Variants in PDSS2 observed in about 807,000 individuals in gnomAD.
PDSS2 encodes the protein all trans-polyprenyl-diphosphate synthase PDSS2.
In PDSS2, 31 loss-of-function variants were observed where a neutral mutation model predicts 44.5. The ratio of observed to expected loss-of-function variants is 0.70; its 90% CI spans 0.52 to 0.94. PDSS2 has a LOEUF of 0.94. Ranked by LOEUF, PDSS2 falls within the 40% of genes least tolerant of loss-of-function variation. The pLI, the probability that PDSS2 is intolerant of heterozygous loss-of-function variation, is 0.00. For missense variants in PDSS2, 452 were observed against 482.2 expected, an observed-to-expected ratio of 0.94 and a Z score of 0.59; for synonymous variants, 157 against 180.3, an observed-to-expected ratio of 0.87 and a Z score of 1.03.
intron 1 of PDSS2, among the ~76,000 whole-genome samples, chr6:107,413,472 G>A (rs1169329002): frequency 6.6e-6 from 1 of 152,170 alleles, no homozygotes; most frequent in Non-Finnish European, 1.5e-5. Flanking sequence ...GGAGATCAGG[G>A]CTGCAGTGAG....
chr6:107,363,891 C>T (rs1208550154), intron 1 of PDSS2, among the ~76,000 whole-genome samples: 6 of 152,154 alleles, frequency 3.9e-5, no homozygotes, highest in African/African-American at 4.8e-5. Flanking sequence ...CAGCTAGATA[C>T]ACAGTGTCGA....
At chr6:107,172,341 TAGG>T (rs1469520053) in intron 7 of PDSS2, among the ~76,000 whole-genome samples, 2 of 152,196 alleles carry the variant, frequency 1.3e-5, no homozygotes, top group Non-Finnish European at 2.9e-5. Flanking sequence ...TGAGTAGTCT[TAGG>T]AGAAGTGGAG....
intron 1 of PDSS2, among the ~76,000 whole-genome samples, chr6:107,338,777 G>C (rs899858371): frequency 6.6e-6 from 1 of 152,192 alleles, no homozygotes; most frequent in African/African-American, 2.4e-5. Context: ...CAGTGTGGCA[G>C]GAACACAGTA....
chr6:107,393,651 T>C (rs1211427576), intron 1 of PDSS2, among the ~76,000 whole-genome samples: 1 of 152,224 alleles, frequency 6.6e-6, no homozygotes, highest in African/African-American at 2.4e-5. Context: ...TTGTCAGTTT[T>C]TGCTCCATGT....
At chr6:107,305,769 C>A (rs1021526092) in intron 2 of PDSS2, among the ~76,000 whole-genome samples, 2 of 152,116 alleles carry the variant, frequency 1.3e-5, no homozygotes, top group East Asian at 1.9e-4. Context: ...TTTATTTATT[C>A]ATTCAAGAAA....
intron 6 of PDSS2, among the ~76,000 whole-genome samples, chr6:107,196,487 C>T (rs969741344): frequency 6.6e-6 from 1 of 152,208 alleles, no homozygotes; most frequent in Non-Finnish European, 1.5e-5. Flanking sequence ...TGAGGCTGAT[C>T]CTGTGGTCAC....
chr6:107,202,195 C>T (rs1200580398), intron 6 of PDSS2, among the ~76,000 whole-genome samples: 1 of 152,088 alleles, frequency 6.6e-6, no homozygotes, highest in East Asian at 1.9e-4. Context: ...CACACCACCA[C>T]ACCTGGCTAC....
At chr6:107,447,297 C>A (rs1325431175) in intron 1 of PDSS2, among the ~76,000 whole-genome samples, 1 of 152,096 alleles carries the variant, frequency 6.6e-6, no homozygotes, top group East Asian at 1.9e-4. Flanking sequence ...GATGGCACCA[C>A]TGCACTCCAG....
chr6:107,432,056 T>C (rs1781209066), intron 1 of PDSS2, among the ~76,000 whole-genome samples: 1 of 152,250 alleles, frequency 6.6e-6, no homozygotes, highest in Admixed American at 6.5e-5. Context: ...TAAGTTAAAC[T>C]AAAATTAGTT....
intron 3 of PDSS2, among the ~76,000 whole-genome samples, chr6:107,271,205 C>T (rs1324486225): frequency 6.6e-6 from 1 of 152,116 alleles, no homozygotes; most frequent in Non-Finnish European, 1.5e-5. Context: ...TAAATGTCAA[C>T]AAACATTTTG....
chr6:107,368,543 G>A (rs967196356), intron 1 of PDSS2, among the ~76,000 whole-genome samples: 4 of 152,074 alleles, frequency 2.6e-5, no homozygotes, highest in Non-Finnish European at 5.9e-5. Flanking sequence ...CAAAATCCCA[G>A]AAGACTTTTA....
intron 3 of PDSS2, among the ~76,000 whole-genome samples, chr6:107,248,612 A>G (rs1562406428): frequency 6.6e-6 from 1 of 152,024 alleles, no homozygotes; most frequent in East Asian, 1.9e-4. Context: ...GATTTGGGCA[A>G]ATCAATTTTT....
At chr6:107,367,970 A>T (rs898057726) in intron 1 of PDSS2, among the ~76,000 whole-genome samples, 9 of 152,014 alleles carry the variant, frequency 5.9e-5, no homozygotes, top group Admixed American at 3.3e-4. Context: ...TTGATATATT[A>T]AAAAACTATT....
intron 1 of PDSS2, among the ~76,000 whole-genome samples, chr6:107,456,704 A>G (rs987745233): frequency 6.6e-6 from 1 of 152,084 alleles, no homozygotes; most frequent in Admixed American, 6.6e-5. Context: ...CCCACGCCCA[A>G]CTAATTTATT....
At chr6:107,263,824 A>T (rs1775324939) in intron 3 of PDSS2, among the ~76,000 whole-genome samples, 1 of 152,222 alleles carries the variant, frequency 6.6e-6, no homozygotes, top group Non-Finnish European at 1.5e-5. Context: ...TGGGATTCTG[A>T]AATAATTTTA....
chr6:107,160,572 A>C (rs1771090075), intron 7 of PDSS2, among the ~76,000 whole-genome samples: 1 of 151,940 alleles, frequency 6.6e-6, no homozygotes, highest in Non-Finnish European at 1.5e-5. Context: ...AGATGGTTTT[A>C]AACTCCTGGC....
At chr6:107,309,544 C>T (rs1023388336) in intron 2 of PDSS2, among the ~76,000 whole-genome samples, 1 of 152,192 alleles carries the variant, frequency 6.6e-6, no homozygotes, top group Non-Finnish European at 1.5e-5. Context: ...CTTAAGCCTT[C>T]TCTATGAAAA....
At chr6:107,437,178 G>A (rs1781374860) in intron 1 of PDSS2, among the ~76,000 whole-genome samples, 1 of 152,006 alleles carries the variant, frequency 6.6e-6, no homozygotes, top group African/African-American at 2.4e-5. Context: ...TTTGAAATAA[G>A]GGAAGACTAT....
intron 2 of PDSS2, among the ~76,000 whole-genome samples, chr6:107,293,234 C>G (rs116437387): frequency 2.3e-3 from 347 of 152,274 alleles, no homozygotes; most frequent in African/African-American, 7.7e-3. Flanking sequence ...TTTCCCCTGG[C>G]TGAAGGCAGA....
Sources: allele counts gnomAD v4.1 joint callset (sites outside exome capture counted in the v4.1 genomes callset), GRCh38; gene constraint gnomAD v4.1.1; transcripts MANE v1.5; gene names NCBI Gene and HGNC (gene_info 2026-07-23, HGNC 2026-07-21).